Variants in RNASEH2B observed in about 807,000 individuals in gnomAD.
The protein encoded by RNASEH2B is Aicardi-Goutieres syndrome 2 protein.
In RNASEH2B, 36 loss-of-function variants were observed where a neutral mutation model predicts 45.0. That is an observed-to-expected ratio of 0.80 (90% CI 0.61 to 1.06). The LOEUF (loss-of-function observed/expected upper bound fraction) is 1.06. Ranked by LOEUF, RNASEH2B falls within the 50% of genes least tolerant of loss-of-function variation. The pLI is 0.00. For missense variants in RNASEH2B, 361 were observed against 360.3 expected (o/e 1.00, Z -0.02); for synonymous variants, 119 against 125.7 (o/e 0.95, Z 0.35).
Position 50,956,527 on chromosome 13 carries a change from T to C in RNASEH2B, c.*53T>C, listed in dbSNP as rs549023975. 1.5e-4 allele frequency: 235 copies of C among 1,557,646 alleles called. 1 individual carries two copies. In the African/African-American group the frequency reaches 3.0e-3, roughly 20 times the overall value. ...TATTTGCTTTTTACATGTTTCAGTT[T>C]GTCCTTCCTGACTGTTAATGACTAC... On this transcript the variant is annotated 3_prime_UTR_variant, in exon 11 of 11. Coordinates refer to ENST00000336617, the MANE Select transcript of RNASEH2B (RefSeq NM_024570.4).
At position 50,945,501 on chromosome 13, in the gene RNASEH2B, C is replaced by G. The variant is rs1951889704; in HGVS notation, c.585C>G (p.Phe195Leu). 1.2e-6 allele frequency: 2 copies of G among 1,613,458 alleles called. No homozygotes were observed. Among genetic ancestry groups the G allele is most frequent in the Non-Finnish European group, 1.7e-6 (2 of 1,179,432 alleles). Residue 195 changes from phenylalanine to leucine, a missense_variant, in exon 7 of 11, where the codon TTC becomes TTG. Transcript: ENST00000336617. ...CCCGGGTACAGTCAACTGCATTTTT[C>G]TCTGGTGACCAAGCTTCCACTGACA... ...VSSRVQSTAF[F>L]SGDQASTDKE...
Position 50,943,304 on chromosome 13 carries a change from CTTTT to C in RNASEH2B, c.437-12_437-9del. 7.0e-7 allele frequency: 1 copy of C among 1,429,456 alleles called. No homozygotes were observed. Among genetic ancestry groups the C allele is most frequent in the Non-Finnish European group, 9.8e-7 (1 of 1,015,804 alleles). 88.5% of individuals were successfully genotyped at this position (1,429,456 alleles called of 1,614,324 possible). On this transcript the variant is annotated splice_polypyrimidine_tract_variant and intron_variant, in intron 5 of 10. Transcript: ENST00000336617. ...TTTTTTTTAATTCATTGTGCTGAGT[CTTTT>C]TTTTCTTTTAAGGTAATCCAGAAAT...
At chr13:50,931,292 A>G (rs1281774376) in intron 4 of RNASEH2B, among the ~76,000 whole-genome samples, 1 of 152,208 alleles carries the variant, frequency 6.6e-6, no homozygotes, top group African/African-American at 2.4e-5. Context: ...AATTTTAGCC[A>G]GAAGTTCTGT....
intron 6 of RNASEH2B, among the ~76,000 whole-genome samples, chr13:50,944,679 A>G (rs1951878862): frequency 6.6e-6 from 1 of 152,156 alleles, no homozygotes; most frequent in African/African-American, 2.4e-5. Flanking sequence ...ATACCATGTT[A>G]CCAGGCTCAT....
At chr13:50,952,168 T>A (rs940090734) in intron 9 of RNASEH2B, 1 of 152,082 alleles carries the variant, frequency 6.6e-6, no homozygotes. Flanking sequence ...AAACCCTGTC[T>A]CTAAAGAAAA....
intron 1 of RNASEH2B, among the ~76,000 whole-genome samples, chr13:50,920,049 G>GTT (rs1287273586): frequency 2.0e-5 from 3 of 149,748 alleles, no homozygotes; most frequent in Non-Finnish European, 1.5e-5. Context: ...GTTTTGTTTT[G>GTT]TTTTGACAGA....
Position 50,939,361 on chromosome 13 carries a change from G to GA in RNASEH2B, c.437-3951dup, listed in dbSNP as rs1397402619. ...GACAGAGCGAGACTCTGTTTCAAAA[G>GA]AAAAAAAAATTAGCCAGCTGTGGTG... On this transcript the variant is annotated intron_variant, in intron 5 of 10. Coordinates refer to ENST00000336617, the MANE Select transcript of RNASEH2B (RefSeq NM_024570.4). 9.6e-5 allele frequency among the ~76,000 whole-genome samples: 4 copies of GA among 41,786 alleles called. No homozygotes were observed. In the East Asian group the frequency reaches 1.5e-3, roughly 15 times the overall value. The allele number at this position is 41,786 out of a possible 152,430, so 27.4% of individuals were successfully genotyped here.
intron 5 of RNASEH2B, chr13:50,941,416 A>G (rs1046665010): frequency 1.3e-5 from 2 of 152,168 alleles, no homozygotes; most frequent in African/African-American, 4.8e-5. Context: ...GGTAGAGGAG[A>G]AGCCTCCTAG....
chr13:50,951,766 A>G (rs1331831361), intron 9 of RNASEH2B: 1 of 152,144 alleles, frequency 6.6e-6, no homozygotes, highest in Non-Finnish European at 1.5e-5. Flanking sequence ...TGCTTCAATC[A>G]TCTTTTTTTC....
chr13:50,956,663 T>C lies in RNASEH2B; in HGVS notation c.*189T>C, dbSNP rs1952055945. 1 of 1,357,446 alleles carries C rather than the reference T, an allele frequency of 7.4e-7. No homozygotes were observed. Among genetic ancestry groups the C allele is most frequent in the South Asian group, 1.5e-5 (1 of 67,688 alleles). 84.1% of individuals were successfully genotyped at this position (1,357,446 alleles called of 1,614,324 possible). A position where few individuals can be genotyped will look rare whatever the true frequency, so the allele number is the denominator to read the frequency against. On this transcript the variant is annotated 3_prime_UTR_variant, in exon 11 of 11. Transcript: ENST00000336617. ...GGGAAAGTGTCTAACTTCATGGCTATGGCCTTTTGGAGTCTCATCTGACAT... is the reference window on the plus strand; with the variant it reads ...GGGAAAGTGTCTAACTTCATGGCTACGGCCTTTTGGAGTCTCATCTGACAT...
rs1011448451 is a variant in RNASEH2B, at chr13:50,909,812, A to C, written c.-265A>C. The C allele has an allele frequency of 1.6e-5, 6 of 376,630 alleles. No homozygotes were observed. Among genetic ancestry groups the C allele is most frequent in the Non-Finnish European group, 2.4e-5 (5 of 208,956 alleles). The allele number at this position is 376,630 out of a possible 1,614,324, so 23.3% of individuals were successfully genotyped here. A position where few individuals can be genotyped will look rare whatever the true frequency, so the allele number is the denominator to read the frequency against. ...TACCACTAGCGGAGCCGCGAGGGAG[A>C]GGCCGCGGCCCCTTCCCGTTGCCTG... On this transcript the variant is annotated 5_prime_UTR_variant, in exon 1 of 11. Transcript: ENST00000336617.
chr13:50,922,810 A>G (rs1394883306), intron 1 of RNASEH2B, among the ~76,000 whole-genome samples: 1 of 152,216 alleles, frequency 6.6e-6, no homozygotes, highest in East Asian at 1.9e-4. Flanking sequence ...CCCATACACA[A>G]TAGGGAAAGT....
Position 50,910,001 on chromosome 13 carries a change from C to T in RNASEH2B, c.-76C>T. ...CGCGCCACCCGGAACAGACCCTTCT[C>T]CCGCCATTTTCGGCGGGGCTGGGAG... On this transcript the variant is annotated 5_prime_UTR_variant, in exon 1 of 11. Coordinates refer to ENST00000336617, the MANE Select transcript of RNASEH2B (RefSeq NM_024570.4). 7.6e-7 allele frequency: 1 copy of T among 1,312,962 alleles called. No homozygotes were observed. Among genetic ancestry groups the T allele is most frequent in the Non-Finnish European group, 1.0e-6 (1 of 976,690 alleles). The allele number at this position is 1,312,962 out of a possible 1,614,324, so 81.3% of individuals were successfully genotyped here.
At chr13:50,954,129 T>G (rs1952012699) in intron 10 of RNASEH2B, 144 bp downstream of exon 10, 2 of 700,248 alleles carry the variant, frequency 2.9e-6, no homozygotes, top group Non-Finnish European at 2.6e-6. Context: ...ACTTAATAAT[T>G]AAGAATTGCA....
At chr13:50,937,863 A>G (rs1951776675) in intron 5 of RNASEH2B, 1 of 152,166 alleles carries the variant, frequency 6.6e-6, no homozygotes, top group South Asian at 2.1e-4. Context: ...ACTGAACACA[A>G]TCTTCCCCCA....
chr13:50,970,207 G>A (rs894344917), exon 10 of RNASEH2B: 8 of 590,942 alleles, frequency 1.4e-5, no homozygotes, highest in South Asian at 2.3e-5. Flanking sequence ...GCATCCCAGC[G>A]GTGCACCTGT....
At chr13:50,951,579 A>G (rs1951976148) in intron 9 of RNASEH2B, 1 of 151,958 alleles carries the variant, frequency 6.6e-6, no homozygotes, top group Non-Finnish European at 1.5e-5. Flanking sequence ...CTTCTTGCAA[A>G]TCATTTGTAA....
At chr13:50,910,261 T>C in intron 1 of RNASEH2B, 121 bp downstream of exon 1, 1 of 632,064 alleles carries the variant, frequency 1.6e-6, no homozygotes, top group Non-Finnish European at 2.4e-6. Context: ...GGGATGGGAT[T>C]CTCTCTGGGA....
intron 1 of RNASEH2B, among the ~76,000 whole-genome samples, chr13:50,914,824 C>T (rs1360290183): frequency 6.6e-6 from 1 of 152,138 alleles, no homozygotes; most frequent in African/African-American, 2.4e-5. Context: ...GGAAAGCAAG[C>T]AGTGTTCATG....
Sources: gnomAD v4.1 joint callset for allele counts (sites outside exome capture counted in the v4.1 genomes callset) on GRCh38, gnomAD v4.1.1 for gene constraint, MANE v1.5 for transcripts, NCBI Gene and HGNC (gene_info 2026-07-23, HGNC 2026-07-21) for gene names.